CSMD1: variants seen among roughly 807,000 people sequenced by gnomAD.
CSMD1 encodes CUB and sushi domain-containing protein 1.
Under a neutral mutation model 417.5 loss-of-function variants are expected in CSMD1, and 213 were observed. The ratio of observed to expected loss-of-function variants is 0.51; its 90% confidence interval spans 0.46 to 0.57. CSMD1 has a LOEUF of 0.57. CSMD1 is among the 20% of genes least tolerant of loss of function. CSMD1 has a pLI of 0.00. For synonymous variants in CSMD1, 2,862 were observed against 1,736.8 expected, an observed-to-expected ratio of 1.65 and a Z score of -16.11; for missense variants, 6,923 against 4,529.7, an observed-to-expected ratio of 1.53 and a Z score of -15.17.
intron 5 of CSMD1, among the ~76,000 whole-genome samples, chr8:3,960,591 G>A (rs1457707006): frequency 6.6e-6 from 1 of 152,004 alleles, no homozygotes; most frequent in Admixed American, 6.6e-5. Context: ...AAGCAAAAAA[G>A]TTATTTTAAA....
chr8:3,550,528 C>G (rs996867518), intron 10 of CSMD1, among the ~76,000 whole-genome samples: 1 of 152,176 alleles, frequency 6.6e-6, no homozygotes, highest in East Asian at 1.9e-4. Flanking sequence ...TGTAGTGATT[C>G]ACTCAGGGTG....
intron 2 of CSMD1, among the ~76,000 whole-genome samples, chr8:4,522,777 G>C (rs935143965): frequency 6.6e-6 from 1 of 152,140 alleles, no homozygotes; most frequent in Non-Finnish European, 1.5e-5. Context: ...AGGAGTCCTG[G>C]TAGCAGTGAT....
At chr8:4,378,512 C>G (rs1045945070) in intron 3 of CSMD1, among the ~76,000 whole-genome samples, 2 of 152,208 alleles carry the variant, frequency 1.3e-5, no homozygotes, top group East Asian at 1.9e-4. Flanking sequence ...CTCTTTCTCT[C>G]TGTTCATATT....
At chr8:4,120,000 A>G (rs1235362568) in intron 3 of CSMD1, among the ~76,000 whole-genome samples, 1 of 152,168 alleles carries the variant, frequency 6.6e-6, no homozygotes, top group East Asian at 1.9e-4. Context: ...TTGATAGCAC[A>G]ATAGGGTGAC....
At chr8:4,132,890 T>C (rs901651333) in intron 3 of CSMD1, among the ~76,000 whole-genome samples, 2 of 152,204 alleles carry the variant, frequency 1.3e-5, no homozygotes, top group African/African-American at 4.8e-5. Flanking sequence ...CTAGAAAGAT[T>C]ATCTTTTATT....
intron 50 of CSMD1, among the ~76,000 whole-genome samples, chr8:3,031,215 A>AT (rs143917989): frequency 0.042 from 6,389 of 151,268 alleles, 460 homozygotes; most frequent in African/African-American, 0.15. Context: ...ATTTAATTTC[A>AT]CCAAAAACAT....
rs1342303010 is a variant in CSMD1 at position 4,291,231 on chromosome 8, T to A, written c.415+128722A>T. Among the ~76,000 whole-genome samples, 3 of 149,640 alleles carry A rather than the reference T, an allele frequency of 2.0e-5. No homozygotes were observed. In the East Asian group the frequency reaches 5.8e-4, roughly 29 times the overall value. On this transcript the variant is annotated intron_variant, in intron 3 of 69. Transcript: ENST00000635120. ...TTTAAAAACAAAAATAATATGCTTA[T>A]GATATGTGCAAATATTAAGTAATAA...
chr8:3,288,543 G>A lies in CSMD1; in HGVS notation c.3951-4197C>T, dbSNP rs929720084. 6.1e-5 allele frequency among the ~76,000 whole-genome samples: 9 copies of A among 147,122 alleles called. No individual in the cohort carries two copies. The South Asian group carries it at 6.2e-4, about 10-fold the overall frequency. The stretch of plus-strand genomic sequence containing the variant: ...TTAGTCTTGGCAGGATGTATGTGTC[G>A]AAGAATTTATCCATTTCTTCTAGAT... On this transcript the variant is annotated intron_variant, in intron 25 of 69. Transcript: ENST00000635120.
At chr8:4,128,402 A>T (rs1250733918) in intron 3 of CSMD1, among the ~76,000 whole-genome samples, 1 of 152,214 alleles carries the variant, frequency 6.6e-6, no homozygotes, top group Non-Finnish European at 1.5e-5. Flanking sequence ...GAACTAAAAC[A>T]TCTGTGATGA....
chr8:3,722,392 A>C (rs1015321538), intron 6 of CSMD1, among the ~76,000 whole-genome samples: 1 of 152,224 alleles, frequency 6.6e-6, no homozygotes, highest in African/African-American at 2.4e-5. Context: ...ATTTGAAAGC[A>C]CAGTAGCTAA....
intron 26 of CSMD1, among the ~76,000 whole-genome samples, chr8:3,264,744 A>G (rs1436542438): frequency 6.6e-6 from 1 of 152,216 alleles, no homozygotes; most frequent in Non-Finnish European, 1.5e-5. Flanking sequence ...AGTTTAATCT[A>G]CATGATTAAG....
At chr8:4,052,142 C>T (rs1046872274) in intron 3 of CSMD1, among the ~76,000 whole-genome samples, 7 of 151,958 alleles carry the variant, frequency 4.6e-5, no homozygotes, top group African/African-American at 1.7e-4. Context: ...TCAGGGTGGT[C>T]TCGAACTCCT....
At chr8:3,246,968 T>C (rs1490535479) in intron 26 of CSMD1, among the ~76,000 whole-genome samples, 1 of 152,226 alleles carries the variant, frequency 6.6e-6, no homozygotes. Flanking sequence ...AGAACTTTTG[T>C]AAGTGAATTA....
chr8:3,659,623 G>C (rs371122026), intron 7 of CSMD1, among the ~76,000 whole-genome samples: 1 of 152,166 alleles, frequency 6.6e-6, no homozygotes, highest in Non-Finnish European at 1.5e-5. Flanking sequence ...CACTAGAGGA[G>C]AAGGGTAGTG....
intron 1 of CSMD1, among the ~76,000 whole-genome samples, chr8:4,654,031 G>C (rs925694304): frequency 1.3e-5 from 2 of 152,058 alleles, no homozygotes; most frequent in African/African-American, 2.4e-5. Context: ...ATTGACTTCA[G>C]ATGTCCAAGT....
intron 1 of CSMD1, among the ~76,000 whole-genome samples, chr8:4,886,440 A>G (rs73185706): frequency 0.068 from 10,360 of 152,122 alleles, 481 homozygotes; most frequent in Middle Eastern, 0.1. Flanking sequence ...CTATATTCAT[A>G]AAAGATATTG....
At chr8:3,940,128 G>T (rs1810775790) in intron 5 of CSMD1, among the ~76,000 whole-genome samples, 1 of 152,006 alleles carries the variant, frequency 6.6e-6, no homozygotes, top group Non-Finnish European at 1.5e-5. Flanking sequence ...AAAGTAAATA[G>T]TACTACTATA....
intron 5 of CSMD1, among the ~76,000 whole-genome samples, chr8:3,885,432 T>G (rs1806495978): frequency 1.3e-5 from 2 of 152,132 alleles, no homozygotes; most frequent in South Asian, 4.1e-4. Flanking sequence ...CAGGATGCTA[T>G]CAATTATTTG....
intron 7 of CSMD1, among the ~76,000 whole-genome samples, chr8:3,641,731 G>C (rs930359042): frequency 6.6e-6 from 1 of 152,134 alleles, no homozygotes; most frequent in Non-Finnish European, 1.5e-5. Context: ...GGAAATGTTT[G>C]GGACCAGGAT....
Sources: allele counts gnomAD v4.1 joint callset (sites outside exome capture counted in the v4.1 genomes callset), GRCh38; gene constraint gnomAD v4.1.1; transcripts MANE v1.5; gene names NCBI Gene and HGNC (gene_info 2026-07-23, HGNC 2026-07-21).